CDH2: variants seen among roughly 807,000 people sequenced by gnomAD.
CDH2 encodes the protein cadherin-2.
A neutral mutation model predicts 92.0 loss-of-function variants in CDH2; 17 were observed. The observed-to-expected ratio is 0.18, with a 90% confidence interval of 0.13 to 0.28. The LOEUF (loss-of-function observed/expected upper bound fraction) is 0.28. Ranked by LOEUF, CDH2 falls within the 10% of genes least tolerant of loss-of-function variation. The pLI, the probability that CDH2 is intolerant of heterozygous loss-of-function variation, is 1.00. For synonymous variants in CDH2, 419 were observed against 415.9 expected (o/e 1.01, Z -0.09); for missense variants, 862 against 1,133.1 (o/e 0.76, Z 3.44).
At chr18:28,079,824 C>A (rs543491550) in intron 2 of CDH2, among the ~76,000 whole-genome samples, 12 of 152,260 alleles carry the variant, frequency 7.9e-5, no homozygotes, top group East Asian at 1.9e-4. Context: ...TTCCACCCCC[C>A]CTCAGAAAAC....
intron 1 of CDH2, among the ~76,000 whole-genome samples, chr18:28,164,393 T>A (rs535565413): frequency 1.3e-5 from 2 of 152,176 alleles, no homozygotes; most frequent in Non-Finnish European, 2.9e-5. Context: ...GTGTGGTACA[T>A]AGTAATTACT....
At chr18:28,171,570 TA>T (rs1294828382) in intron 1 of CDH2, among the ~76,000 whole-genome samples, 1 of 152,150 alleles carries the variant, frequency 6.6e-6, no homozygotes, top group Admixed American at 6.5e-5. Flanking sequence ...TTCAGGCATA[TA>T]AAAAATATAG....
At chr18:28,004,161 A>G (rs568397722) in intron 6 of CDH2, among the ~76,000 whole-genome samples, 2 of 152,262 alleles carry the variant, frequency 1.3e-5, no homozygotes, top group South Asian at 4.1e-4. Context: ...CAAAACCTTC[A>G]GTGTGTACTT....
chr18:28,116,103 T>C (rs1477150309), intron 2 of CDH2, among the ~76,000 whole-genome samples: 1 of 152,162 alleles, frequency 6.6e-6, no homozygotes, highest in African/African-American at 2.4e-5. Context: ...GGAATGCTGC[T>C]AAACAATCTA....
chr18:28,143,311 T>C (rs2015983743), intron 2 of CDH2, among the ~76,000 whole-genome samples: 1 of 152,070 alleles, frequency 6.6e-6, no homozygotes, highest in Non-Finnish European at 1.5e-5. Context: ...TGTTATTTCA[T>C]AGTGTTAGAT....
chr18:28,080,838 A>G (rs1193488714), intron 2 of CDH2, among the ~76,000 whole-genome samples: 1 of 152,196 alleles, frequency 6.6e-6, no homozygotes, highest in Non-Finnish European at 1.5e-5. Context: ...CAAAATTGAA[A>G]AAGGCCCATG....
At chr18:27,990,000 C>A (rs2012358299) in intron 10 of CDH2, 97 bp downstream of exon 10, 6 of 1,053,930 alleles carry the variant, frequency 5.7e-6, no homozygotes, top group Non-Finnish European at 8.3e-6. Context: ...GTTTTGATTG[C>A]AATGAAAATT....
intron 2 of CDH2, among the ~76,000 whole-genome samples, chr18:28,088,718 C>A (rs763446315): frequency 6.6e-6 from 1 of 152,042 alleles, no homozygotes; most frequent in African/African-American, 2.4e-5. Context: ...CCTAAGGGGG[C>A]GGGCATGTTC....
At chr18:27,984,771 G>A (rs2012170022) in intron 13 of CDH2, among the ~76,000 whole-genome samples, 1 of 152,210 alleles carries the variant, frequency 6.6e-6, no homozygotes, top group South Asian at 2.1e-4. Flanking sequence ...AAGAGGGCAA[G>A]GAAGAGGCAT....
At chr18:28,025,645 T>C (rs896695547) in intron 2 of CDH2, among the ~76,000 whole-genome samples, 4 of 151,488 alleles carry the variant, frequency 2.6e-5, no homozygotes, top group African/African-American at 4.8e-5. Flanking sequence ...TACATACTTA[T>C]AGGGTACAGT....
At chr18:27,940,108 C>T (rs1909103168) in intron 6 of CDH2, among the ~76,000 whole-genome samples, 1 of 152,170 alleles carries the variant, frequency 6.6e-6, no homozygotes. Context: ...GCTTCTTTCC[C>T]TTTCTTTCCA....
intron 2 of CDH2, among the ~76,000 whole-genome samples, chr18:28,091,447 T>C (rs1382670669): frequency 6.6e-6 from 1 of 152,182 alleles, no homozygotes; most frequent in Non-Finnish European, 1.5e-5. Context: ...TTCACAATTC[T>C]CTCTGTATGT....
chr18:27,966,172 G>A (rs1253636605), intron 14 of CDH2, among the ~76,000 whole-genome samples: 1 of 152,000 alleles, frequency 6.6e-6, no homozygotes, highest in Non-Finnish European at 1.5e-5. Flanking sequence ...TCCTTAAAAT[G>A]GGGGAAAATA....
Position 28,011,897 on chromosome 18 carries a change from T to C in CDH2, c.495A>G (p.Pro165=), listed in dbSNP as rs1323429967. The part of the protein sequence containing the change: ...QRQKRDWVIP[P]INLPENSRGP... ...CCCTGGAGTTTTCTGGCAAGTTGAT[T>C]GGAGGGATGACCCAGTCTCTCTTCT... The change falls in exon 4 of 16, where the codon CCA becomes CCG. Residue 165 remains proline, a synonymous_variant. Transcript: ENST00000269141. 3 of 1,613,904 alleles carry C rather than the reference T, an allele frequency of 1.9e-6. No homozygotes were observed. Among genetic ancestry groups the C allele is most frequent in the Admixed American group, 3.3e-5 (2 of 59,988 alleles).
chr18:28,165,394 G>C (rs1020822946), intron 1 of CDH2, among the ~76,000 whole-genome samples: 2 of 152,122 alleles, frequency 1.3e-5, no homozygotes, highest in Admixed American at 1.3e-4. Context: ...GTCTCACTGT[G>C]TTGCCCAGGT....
intron 2 of CDH2, among the ~76,000 whole-genome samples, chr18:28,094,278 G>C (rs2015086544): frequency 6.6e-6 from 1 of 151,808 alleles, no homozygotes; most frequent in African/African-American, 2.4e-5. Context: ...CTTGAAGCCA[G>C]GAGTTCGAGA....
At chr18:28,077,050 C>G (rs1174127888) in intron 2 of CDH2, among the ~76,000 whole-genome samples, 2 of 152,124 alleles carry the variant, frequency 1.3e-5, no homozygotes, top group African/African-American at 4.8e-5. Context: ...TCATCTTCTA[C>G]TTTAGTACCA....
intron 2 of CDH2, among the ~76,000 whole-genome samples, chr18:28,072,948 A>C (rs894193414): frequency 7.9e-5 from 12 of 152,222 alleles, no homozygotes; most frequent in African/African-American, 2.7e-4. Flanking sequence ...ATATATACTC[A>C]CACATACATA....
intron 1 of CDH2, among the ~76,000 whole-genome samples, chr18:28,175,657 G>C (rs988473630): frequency 1.3e-5 from 2 of 152,126 alleles, no homozygotes; most frequent in African/African-American, 4.8e-5. Context: ...GCCAGGCCCT[G>C]ACCCGTGAAG....
Sources: gnomAD v4.1 joint callset for allele counts (sites outside exome capture counted in the v4.1 genomes callset) on GRCh38, gnomAD v4.1.1 for gene constraint, MANE v1.5 for transcripts, NCBI Gene and HGNC (gene_info 2026-07-23, HGNC 2026-07-21) for gene names.